The following SEC14L1 variants were observed in gnomAD, a reference collection of about 807,000 sequenced individuals.
SEC14L1 encodes the protein SEC14 like lipid binding 1.
A neutral mutation model predicts 85.3 loss-of-function variants in SEC14L1; 48 were observed. That is an observed-to-expected ratio of 0.56 (90% CI 0.45 to 0.72). The LOEUF (loss-of-function observed/expected upper bound fraction) is 0.72, where lower values mean the gene tolerates loss of function less well. Ranked by LOEUF, SEC14L1 falls within the 30% of genes least tolerant of loss-of-function variation. SEC14L1 has a pLI of 0.00. For synonymous variants in SEC14L1, 391 were observed against 355.5 expected (o/e 1.10, Z -1.12); for missense variants, 682 against 921.4 (o/e 0.74, Z 3.36).
intron 3 of SEC14L1, among the ~76,000 whole-genome samples, chr17:77,103,801 C>A (rs972563791): frequency 6.0e-5 from 6 of 99,344 alleles, no homozygotes; most frequent in African/African-American, 2.5e-4. Flanking sequence ...TCATTTGACA[C>A]TGAGCTGCCA....
chr17:77,100,950 G>A (rs1971765348), intron 3 of SEC14L1, among the ~76,000 whole-genome samples: 1 of 152,120 alleles, frequency 6.6e-6, no homozygotes, highest in Non-Finnish European at 1.5e-5. Context: ...TTCACATTTA[G>A]GTAGGGATAT....
At chr17:77,119,812 C>T (rs1972254587) in intron 3 of SEC14L1, among the ~76,000 whole-genome samples, 1 of 152,074 alleles carries the variant, frequency 6.6e-6, no homozygotes, top group South Asian at 2.1e-4. Flanking sequence ...CTCCACCCAC[C>T]CTTGCCAAAG....
chr17:77,200,954 A>G (rs1207493032), intron 9 of SEC14L1, among the ~76,000 whole-genome samples: 3 of 152,234 alleles, frequency 2.0e-5, no homozygotes, highest in Non-Finnish European at 4.4e-5. Context: ...TCGGTGCAGT[A>G]CAGTTTGTTT....
Position 77,143,647 on chromosome 17 carries a change from A to C in SEC14L1, c.51A>C (p.Glu17Asp). The change falls in exon 3 of 17, where the codon GAA becomes GAC. Residue 17 changes from glutamate (E) to aspartate (D), a missense_variant. Around this residue, in one of 3 missense-constraint regions of SEC14L1, gnomAD observed 139 missense variants for 201.3 expected, o/e 0.69. Coordinates refer to ENST00000436233, the MANE Select transcript of SEC14L1 (RefSeq NM_001143998.2). ...TGAGGGTGTACAAATACCCCTTTGAATTAATTATGGCTGTAAGTACTTGAC... is the reference window on the plus strand; with the variant it reads ...TGAGGGTGTACAAATACCCCTTTGACTTAATTATGGCTGTAAGTACTTGAC... ...SPVRVYKYPF[E>D]LIMAAYERRF... 2 of 1,610,994 alleles carry C rather than the reference A, an allele frequency of 1.2e-6. No homozygotes were observed. The highest frequency in any genetic ancestry group is 1.7e-6 in the Non-Finnish European group (2 of 1,177,332).
intron 3 of SEC14L1, among the ~76,000 whole-genome samples, chr17:77,129,608 A>T (rs1222589978): frequency 1.3e-5 from 2 of 152,166 alleles, no homozygotes; most frequent in Non-Finnish European, 2.9e-5. Flanking sequence ...TTTCACCCAC[A>T]TCAAGGAGGA....
chr17:77,188,354 G>C (rs1975366079), intron 3 of SEC14L1, among the ~76,000 whole-genome samples: 1 of 150,342 alleles, frequency 6.7e-6, no homozygotes, highest in African/African-American at 2.4e-5. Context: ...GGTTTCTCTA[G>C]TTTTGTCTTT....
intron 3 of SEC14L1, among the ~76,000 whole-genome samples, chr17:77,127,035 G>T (rs1243181792): frequency 6.7e-6 from 1 of 150,120 alleles, no homozygotes; most frequent in Admixed American, 6.7e-5. Flanking sequence ...TAAAAAAAAG[G>T]GATACATGTG....
chr17:77,123,454 C>CAGG (rs1288115615), intron 3 of SEC14L1, among the ~76,000 whole-genome samples: 1 of 139,780 alleles, frequency 7.2e-6, no homozygotes, highest in Non-Finnish European at 1.5e-5. Flanking sequence ...CTGTGTTGCC[C>CAGG]AGGCTGGAGT....
chr17:77,216,587 C>T lies in SEC14L1; in HGVS notation c.*2564C>T, dbSNP rs778470248. ...TGACAGCTGCCAAGAAAATGCTTCA[C>T]TCAACAGTCCTCATGTGCCCAGAGA... On this transcript the variant is annotated 3_prime_UTR_variant, in exon 17 of 17. Coordinates refer to ENST00000436233, the MANE Select transcript of SEC14L1 (RefSeq NM_001143998.2). The T allele has an allele frequency of 2.5e-6, 4 of 1,613,262 alleles. No individual in the cohort carries two copies. The highest frequency in any genetic ancestry group is 1.7e-5 in the Admixed American group (1 of 59,958).
At chr17:77,136,192 TCTC>T (rs1183505787), upstream of SEC14L1, among the ~76,000 whole-genome samples, 1 of 151,856 alleles carries the variant, frequency 6.6e-6, no homozygotes. Flanking sequence ...TTTCTTTCTT[TCTC>T]TTTTGCTTTC....
chr17:77,096,055 C>CTTTT (rs58863646), intron 3 of SEC14L1, among the ~76,000 whole-genome samples: 2,344 of 124,160 alleles, frequency 0.019, 36 homozygotes, highest in Admixed American at 0.042. Flanking sequence ...TGCAGTCAGT[C>CTTTT]TTTTTTTTTT....
chr17:77,214,455 A>T lies in SEC14L1; in HGVS notation c.*432A>T. 1.0e-6 allele frequency: 1 copy of T among 1,003,260 alleles called. No individual in the cohort carries two copies. The highest frequency in any genetic ancestry group is 4.2e-5 in the South Asian group (1 of 24,062). 62.1% of individuals were successfully genotyped at this position (1,003,260 alleles called of 1,614,324 possible). Reference sequence around the variant, plus strand: ...GGAAGCTGCCAGCTCGCTTCCCCCAAGCTGCCTCATGGCCCGCACGCCGCC... The same window carrying T: ...GGAAGCTGCCAGCTCGCTTCCCCCATGCTGCCTCATGGCCCGCACGCCGCC... On this transcript the variant is annotated 3_prime_UTR_variant, in exon 17 of 17. Transcript: ENST00000436233.
chr17:77,106,877 G>T (rs1461705943), intron 3 of SEC14L1, among the ~76,000 whole-genome samples: 1 of 152,138 alleles, frequency 6.6e-6, no homozygotes, highest in Non-Finnish European at 1.5e-5. Context: ...TCTCAGGAGA[G>T]AAATAGGCTG....
intron 3 of SEC14L1, among the ~76,000 whole-genome samples, chr17:77,146,458 G>C (rs990051493): frequency 2.6e-5 from 4 of 152,124 alleles, no homozygotes; most frequent in African/African-American, 9.7e-5. Context: ...AAATTGTGAC[G>C]TTTACCTTGC....
chr17:77,118,686 A>G (rs930808563), intron 3 of SEC14L1, among the ~76,000 whole-genome samples: 2 of 152,252 alleles, frequency 1.3e-5, no homozygotes, highest in African/African-American at 2.4e-5. Flanking sequence ...GGTTATAATT[A>G]TGCATTTCGA....
At chr17:77,120,247 G>A (rs1239938211) in intron 3 of SEC14L1, among the ~76,000 whole-genome samples, 2 of 152,006 alleles carry the variant, frequency 1.3e-5, no homozygotes, top group Non-Finnish European at 2.9e-5. Context: ...GAATCATGAA[G>A]TGCCCATTAG....
rs1567888887 is a variant in SEC14L1, at chr17:77,141,012, G to GTA, written c.-231_-230insTA. On this transcript the variant is annotated 5_prime_UTR_variant, in exon 1 of 17. Coordinates refer to ENST00000436233, the MANE Select transcript of SEC14L1 (RefSeq NM_001143998.2). ...TCCCCGGAACCGGCGGTCGAGCTAC[G>GTA]GTCGCGGAGCAGTGGAACCGAGACT... 7.0e-6 allele frequency: 1 copy of GTA among 143,086 alleles called. No homozygotes were observed. Among genetic ancestry groups the GTA allele is most frequent in the Non-Finnish European group, 1.5e-5 (1 of 66,328 alleles). The allele number at this position is 143,086 out of a possible 1,614,324, so 8.9% of individuals were successfully genotyped here.
intron 3 of SEC14L1, chr17:77,143,977 A>T: frequency 3.9e-6 from 1 of 256,648 alleles, no homozygotes; most frequent in Non-Finnish European, 7.5e-6. Context: ...TCGTTAGAGT[A>T]GCAAAGGGAC....
At chr17:77,186,506 T>C (rs563804565) in intron 3 of SEC14L1, among the ~76,000 whole-genome samples, 10 of 152,374 alleles carry the variant, frequency 6.6e-5, no homozygotes, top group South Asian at 6.2e-4. Context: ...ATGGATGTCA[T>C]TGACTCCCTT....
Sources: gnomAD v4.1 joint callset for allele counts (sites outside exome capture counted in the v4.1 genomes callset) on GRCh38, gnomAD v4.1.1 for gene constraint, gnomAD v4.1.1 regional missense constraint, MANE v1.5 for transcripts, NCBI Gene and HGNC (gene_info 2026-07-23, HGNC 2026-07-21) for gene names.